CIBAR2: variants seen among roughly 807,000 people sequenced by gnomAD.
The protein encoded by CIBAR2 is CBY1 interacting BAR domain containing 2, also known as CBY1-interacting BAR domain-containing protein 2.
A neutral mutation model predicts 36.2 loss-of-function variants in CIBAR2; 38 were observed. The observed-to-expected ratio is 1.05, with a 90% CI of 0.81 to 1.38. The LOEUF (loss-of-function observed/expected upper bound fraction) is 1.38, where lower values mean the gene tolerates loss of function less well. Among genes scored for constraint, CIBAR2 ranks in the 40% most tolerant of loss-of-function variants. CIBAR2 has a pLI of 0.00. For synonymous variants in CIBAR2, 182 were observed against 149.5 expected, an observed-to-expected ratio of 1.22 and a Z score of -1.58; for missense variants, 481 against 383.4, an observed-to-expected ratio of 1.25 and a Z score of -2.13.
At chr16:85,110,150 G>A in intron 2 of CIBAR2, 76 bp downstream of exon 2, 1 of 1,156,572 alleles carries the variant, frequency 8.6e-7, no homozygotes, top group Non-Finnish European at 1.2e-6. Flanking sequence ...CAGGGCTCCT[G>A]CAGCCCTCAG....
chr16:85,101,626 G>C (rs2073955923), intron 7 of CIBAR2, among the ~76,000 whole-genome samples: 1 of 151,902 alleles, frequency 6.6e-6, no homozygotes, highest in Admixed American at 6.6e-5. Context: ...TCAAGCATCA[G>C]CCAGGAAATG....
chr16:85,105,708 A>G (rs1304115937), intron 5 of CIBAR2, among the ~76,000 whole-genome samples: 10 of 152,168 alleles, frequency 6.6e-5, no homozygotes. Flanking sequence ...TAAACAGAAG[A>G]CAGTAATGAG....
chr16:85,111,249 C>A (rs761111224), intron 1 of CIBAR2, among the ~76,000 whole-genome samples: 4 of 152,216 alleles, frequency 2.6e-5, no homozygotes, highest in African/African-American at 7.2e-5. Context: ...GAGCAGCCCT[C>A]TGTCCCGACA....
At position 85,112,456 on chromosome 16, in the gene CIBAR2, G is replaced by C. The variant is rs193015289; in HGVS notation, c.-104C>G. The C allele has an allele frequency of 4.1e-6, 5 of 1,222,120 alleles. No homozygotes were observed. In the Admixed American group the frequency reaches 8.7e-5, roughly 21 times the overall value. The allele number at this position is 1,222,120 out of a possible 1,614,324, so 75.7% of individuals were successfully genotyped here. On this transcript the variant is annotated 5_prime_UTR_variant, in exon 1 of 9. Transcript: ENST00000539556. ...GGGCAGGGCTGGGTGCAGCTGTGTG[G>C]CCTGGGCTCAAGGGACGCTGCCACC...
At chr16:85,111,264 C>G (rs62051664) in intron 1 of CIBAR2, among the ~76,000 whole-genome samples, 25,966 of 152,200 alleles carry the variant, frequency 0.17, 2,623 homozygotes, top group Middle Eastern at 0.24. Context: ...CCGACAGACC[C>G]TAACTCTCTT....
At chr16:85,110,499 G>C (rs889687143) in intron 1 of CIBAR2, 39 bp from the exon 2 acceptor site, 11 of 1,465,814 alleles carry the variant, frequency 7.5e-6, no homozygotes, top group South Asian at 1.2e-5. Context: ...TCTGGGCAGA[G>C]ATGCAGGGCC....
At chr16:85,102,158 C>T in intron 7 of CIBAR2, 56 bp downstream of exon 7, 1 of 1,007,614 alleles carries the variant, frequency 9.9e-7, no homozygotes, top group Non-Finnish European at 1.5e-6. Context: ...AAGACAAAAC[C>T]AAAATGAAAC....
chr16:85,108,208 G>T, intron 2 of CIBAR2, 109 bp from the exon 3 acceptor site: 1 of 1,037,582 alleles, frequency 9.6e-7, no homozygotes, highest in Non-Finnish European at 1.4e-6. Context: ...AGAGCTGTGC[G>T]GCGGGAGGTG....
At position 85,099,263 on chromosome 16, in the gene CIBAR2, C is replaced by G. The variant is rs934840662; in HGVS notation, c.837G>C (p.Glu279Asp). 2 of 1,613,784 alleles carry G rather than the reference C, an allele frequency of 1.2e-6. No individual in the cohort carries two copies. Among genetic ancestry groups the G allele is most frequent in the East Asian group, 2.2e-5 (1 of 44,868 alleles). Reference sequence around the variant, plus strand: ...GGGCTGGCTGCCCCTTAACCACCCACTCACAGAGACTAAACCTGCCATGAT... The same window carrying G: ...GGGCTGGCTGCCCCTTAACCACCCAGTCACAGAGACTAAACCTGCCATGAT... ...HANHGRFSLC[E>D]WVVKGQPAHC... Residue 279 changes from glutamate to aspartate, a missense_variant, in exon 9 of 9, where the codon GAG becomes GAC. By Grantham distance (45) the Glu-to-Asp change is conservative. Transcript: ENST00000539556.
At chr16:85,108,923 C>T (rs974215230) in intron 2 of CIBAR2, among the ~76,000 whole-genome samples, 2 of 152,004 alleles carry the variant, frequency 1.3e-5, no homozygotes, top group Non-Finnish European at 2.9e-5. Flanking sequence ...GCCAATTTTA[C>T]AATCGGGAAT....
chr16:85,100,584 C>CCT (rs139417529), intron 7 of CIBAR2, among the ~76,000 whole-genome samples: 89,875 of 151,708 alleles, frequency 0.59, 27,816 homozygotes, highest in African/African-American at 0.78. Context: ...CTGCATCAAA[C>CCT]CTCATGGTAG....
chr16:85,107,713 A>G, intron 4 of CIBAR2, 41 bp from the exon 5 acceptor site: 1 of 1,613,558 alleles, frequency 6.2e-7, no homozygotes, highest in Non-Finnish European at 8.5e-7. Context: ...AAGCCCAGGC[A>G]GCCCCGTTGG....
At chr16:85,100,318 G>A (rs1258647462) in intron 7 of CIBAR2, 78 bp from the exon 8 acceptor site, 1 of 877,730 alleles carries the variant, frequency 1.1e-6, no homozygotes, top group Non-Finnish European at 1.8e-6. Context: ...TGGAAAGACG[G>A]TGGGGACGAG....
intron 7 of CIBAR2, 134 bp from the exon 8 acceptor site, chr16:85,100,374 A>G (rs2144151653): frequency 1.8e-6 from 1 of 567,898 alleles, no homozygotes; most frequent in South Asian, 2.4e-5. Flanking sequence ...GGTCCTCTCC[A>G]GGAGCTTCCT....
rs35852446 is a variant in CIBAR2, at chr16:85,102,362, G to T, written c.538-35C>A. ...GAGAAACCCAAAGAATGTAAGCATCGCAGTGAGAAAGAGCCCAGGGAAGCC... is the reference window on the plus strand; with the variant it reads ...GAGAAACCCAAAGAATGTAAGCATCTCAGTGAGAAAGAGCCCAGGGAAGCC... On this transcript the variant is annotated intron_variant, in intron 6 of 8. Coordinates refer to ENST00000539556, the MANE Select transcript of CIBAR2 (RefSeq NM_198491.3). 7 of 1,333,838 alleles carry T rather than the reference G, an allele frequency of 5.2e-6. No homozygotes were observed. In the East Asian group the frequency reaches 1.6e-4, roughly 31 times the overall value. 82.6% of individuals were successfully genotyped at this position (1,333,838 alleles called of 1,614,324 possible).
intron 7 of CIBAR2, 48 bp from the exon 8 acceptor site, chr16:85,100,288 C>A: frequency 7.6e-7 from 1 of 1,321,406 alleles, no homozygotes. Context: ...GAAAACACAG[C>A]GTGGGTTGGG....
At chr16:85,108,207 C>A (rs1053391046) in intron 2 of CIBAR2, 108 bp from the exon 3 acceptor site, 4 of 1,058,386 alleles carry the variant, frequency 3.8e-6, no homozygotes, top group Non-Finnish European at 4.1e-6. Flanking sequence ...CAGAGCTGTG[C>A]GGCGGGAGGT....
intron 8 of CIBAR2, among the ~76,000 whole-genome samples, chr16:85,099,680 A>G (rs1453923931): frequency 6.6e-6 from 1 of 150,428 alleles, no homozygotes; most frequent in Non-Finnish European, 1.5e-5. Context: ...CTGGAGTGCA[A>G]TGGTACGATC....
intron 1 of CIBAR2, 141 bp from the exon 2 acceptor site, chr16:85,110,601 T>G: frequency 1.7e-6 from 1 of 594,510 alleles, no homozygotes; most frequent in Non-Finnish European, 2.9e-6. Flanking sequence ...AGGCTGTCAC[T>G]CAAGGTGGCA....
Sources: gnomAD v4.1 joint callset for allele counts (sites outside exome capture counted in the v4.1 genomes callset) on GRCh38, gnomAD v4.1.1 for gene constraint, MANE v1.5 for transcripts, NCBI Gene and HGNC (gene_info 2026-07-23, HGNC 2026-07-21) for gene names.